The following BST1 variants were observed in gnomAD, a reference collection of about 807,000 sequenced individuals.
The protein encoded by BST1 is bone marrow stromal cell antigen 1.
A neutral mutation model predicts 40.6 loss-of-function variants in BST1; 49 were observed. The observed-to-expected ratio is 1.21, with a 90% confidence interval of 0.96 to 1.53. The LOEUF (loss-of-function observed/expected upper bound fraction) is 1.53, where lower values mean the gene tolerates loss of function less well. BST1 is among the 40% of genes most tolerant of loss of function. The pLI is 0.00. For synonymous variants in BST1, 157 were observed against 159.3 expected, an observed-to-expected ratio of 0.99 and a Z score of 0.11; for missense variants, 423 against 395.9, an observed-to-expected ratio of 1.07 and a Z score of -0.58.
the BST1 span, chr4:15,743,403 G>T: frequency 3.5e-6 from 1 of 282,800 alleles, no homozygotes; most frequent in Non-Finnish European, 7.1e-6. Flanking sequence ...TATGTATGAA[G>T]ATGAAGAATG....
At chr4:15,747,492 G>C in the BST1 span, among the ~76,000 whole-genome samples, 3 of 151,998 alleles carry the variant, frequency 2.0e-5, no homozygotes, top group African/African-American at 7.3e-5. Context: ...GAGTTTTTCC[G>C]TGAAGCCAGT....
rs1719848905 is a variant in BST1, at chr4:15,705,765, A to T, written c.315+124A>T. ...CAATGTCACAGAAACATCAGGCAGC[A>T]CACATAATGTGTGTGCTGAGCTCTC... On this transcript the variant is annotated intron_variant, in intron 2 of 8. Coordinates refer to ENST00000265016, the MANE Select transcript of BST1 (RefSeq NM_004334.3). The T allele has an allele frequency of 1.2e-5, 15 of 1,302,044 alleles. No homozygotes were observed. In the South Asian group the frequency reaches 1.9e-4, roughly 17 times the overall value. 80.7% of individuals were successfully genotyped at this position (1,302,044 alleles called of 1,614,324 possible).
In BST1 at chr4:15,707,567, T is replaced by C; in HGVS notation, c.372T>C (p.Arg124=). Residue 124 remains arginine, a synonymous_variant, in exon 3 of 9, where the codon CGT becomes CGC. Coordinates refer to ENST00000265016, the MANE Select transcript of BST1 (RefSeq NM_004334.3). The stretch of plus-strand genomic sequence containing the variant: ...TTAACAGCTTTGCAGACAACACCCG[T>C]CGTTTTATGCCCCTGAGCGATGTTC... ...LLVNSFADNT[R]RFMPLSDVLY... The C allele has an allele frequency of 6.2e-7, 1 of 1,614,074 alleles. No homozygotes were observed.
downstream of BST1, among the ~76,000 whole-genome samples, chr4:15,739,373 T>C (rs961130033): frequency 6.6e-6 from 1 of 152,200 alleles, no homozygotes; most frequent in African/African-American, 2.4e-5. Flanking sequence ...GTTTTGTTTT[T>C]CCCCCTAAAA....
At chr4:15,761,771 T>C in the BST1 span, among the ~76,000 whole-genome samples, 4 of 151,996 alleles carry the variant, frequency 2.6e-5, no homozygotes, top group South Asian at 8.3e-4. Flanking sequence ...TTTATATTCC[T>C]GGAACCCAGC....
the BST1 span, among the ~76,000 whole-genome samples, chr4:15,744,968 A>G: frequency 6.6e-6 from 1 of 152,204 alleles, no homozygotes; most frequent in African/African-American, 2.4e-5. Context: ...ATTTTTTCAG[A>G]TTTATTCCAA....
At position 15,704,468 on chromosome 4, in the gene BST1, G is replaced by C. The variant is rs1219442398; in HGVS notation, c.189-1047G>C. On this transcript the variant is annotated intron_variant, in intron 1 of 8. Transcript: ENST00000265016. Reference sequence around the variant, plus strand: ...CTAGAGGTGAGATGTGTGTGTGTTTGTTCTAGAGGTGAGGGGTGTGTGTGT... The same window carrying C: ...CTAGAGGTGAGATGTGTGTGTGTTTCTTCTAGAGGTGAGGGGTGTGTGTGT... Among the ~76,000 whole-genome samples, 3 of 148,564 alleles carry C rather than the reference G, an allele frequency of 2.0e-5. No homozygotes were observed. The South Asian group carries it at 6.5e-4, about 32-fold the overall frequency.
At chr4:15,752,830 T>G in the BST1 span, among the ~76,000 whole-genome samples, 2,149 of 152,236 alleles carry the variant, frequency 0.014, 58 homozygotes, top group African/African-American at 0.049. Flanking sequence ...ACTGGCTTTT[T>G]TTGGAATGAG....
intron 6 of BST1, among the ~76,000 whole-genome samples, 178 bp downstream of exon 6, chr4:15,715,977 G>A (rs959067105): frequency 3.9e-5 from 6 of 152,180 alleles, no homozygotes; most frequent in African/African-American, 1.4e-4. Flanking sequence ...AGCCAGTCCC[G>A]AGCCCAGAGA....
chr4:15,717,350 G>C (rs1026830303), intron 6 of BST1, among the ~76,000 whole-genome samples: 4 of 152,100 alleles, frequency 2.6e-5, no homozygotes, highest in African/African-American at 4.8e-5. Context: ...ATGGTGGTGA[G>C]GCTGTTTACC....
chr4:15,732,937 G>A (rs1230624226), downstream of BST1: 2 of 157,462 alleles, frequency 1.3e-5, no homozygotes, highest in African/African-American at 2.4e-5. Context: ...TGTGTCTGGA[G>A]TTTCTTCCTT....
chr4:15,747,005 A>G, the BST1 span, among the ~76,000 whole-genome samples: 1 of 152,196 alleles, frequency 6.6e-6, no homozygotes, highest in Admixed American at 6.5e-5. Flanking sequence ...AGGAACTCCA[A>G]CAAATGGGTA....
chr4:15,744,021 G>A, the BST1 span, among the ~76,000 whole-genome samples: 1 of 152,168 alleles, frequency 6.6e-6, no homozygotes, highest in South Asian at 2.1e-4. Flanking sequence ...CTTTCCTTGG[G>A]GGATGGGATC....
chr4:15,709,540 G>A (rs549251098), intron 3 of BST1, among the ~76,000 whole-genome samples: 11 of 152,168 alleles, frequency 7.2e-5, no homozygotes, highest in Admixed American at 1.3e-4. Flanking sequence ...GCAGAGGGTG[G>A]GGAGAAGGAG....
chr4:15,738,628 C>T (rs1043903609), downstream of BST1, among the ~76,000 whole-genome samples: 5 of 152,190 alleles, frequency 3.3e-5, no homozygotes, highest in Admixed American at 1.3e-4. Context: ...AATGACCACA[C>T]GTTAGCCAGC....
chr4:15,731,792 G>A lies in BST1; in HGVS notation c.904G>A (p.Ala302Thr), dbSNP rs773717822. The A allele has an allele frequency of 1.2e-6, 2 of 1,613,728 alleles. No homozygotes were observed. The highest frequency in any genetic ancestry group is 2.7e-5 in the African/African-American group (2 of 74,930). The part of the protein sequence containing the change: ...KAPSLYTEQR[A>T]GLIIPLFLVL... ...CCCAAGTCTTTATACAGAACAAAGG[G>A]CGGGTCTTATCATTCCCCTCTTTCT... Residue 302 changes from alanine to threonine, a missense_variant, in exon 9 of 9, where the codon GCG (alanine) becomes ACG (threonine). Coordinates refer to ENST00000265016, the MANE Select transcript of BST1 (RefSeq NM_004334.3).
chr4:15,724,999 G>A (rs1178064170), intron 8 of BST1, among the ~76,000 whole-genome samples: 1 of 152,170 alleles, frequency 6.6e-6, no homozygotes, highest in Non-Finnish European at 1.5e-5. Context: ...GCGTGGCAGA[G>A]TAACACAGCA....
Position 15,731,317 on chromosome 4 carries a change from C to T in BST1, c.852-423C>T, listed in dbSNP as rs368808076. The T allele has an allele frequency of 1.4e-3, 722 of 507,658 alleles. 15 individuals are homozygous for T. Among genetic ancestry groups the T allele is most frequent in the South Asian group, 0.014 (691 of 50,682 alleles). The allele number at this position is 507,658 out of a possible 1,614,324, so 31.4% of individuals were successfully genotyped here. ...GGCCAAAAATGCATCATACTCTTGG[C>T]CAGTTTCTTGACCAGTTTCTTATTC... On this transcript the variant is annotated intron_variant, in intron 8 of 8. Coordinates refer to ENST00000265016, the MANE Select transcript of BST1 (RefSeq NM_004334.3).
At chr4:15,731,208 G>T (rs1046474938) in intron 8 of BST1, 10 of 447,828 alleles carry the variant, frequency 2.2e-5, no homozygotes, top group Non-Finnish European at 4.2e-5. Flanking sequence ...TGTTTTCCTT[G>T]TGTGTGAGCA....
Sources: allele counts gnomAD v4.1 joint callset (sites outside exome capture counted in the v4.1 genomes callset), GRCh38; gene constraint gnomAD v4.1.1; transcripts MANE v1.5; gene names NCBI Gene and HGNC (gene_info 2026-07-23, HGNC 2026-07-21).